Variants in OLFM3 observed in about 807,000 individuals in gnomAD.
The protein encoded by OLFM3 is noelin-3.
A neutral mutation model predicts 48.6 loss-of-function variants in OLFM3; 20 were observed. The observed-to-expected ratio is 0.41, with a 90% confidence interval of 0.29 to 0.60. The LOEUF (loss-of-function observed/expected upper bound fraction) is 0.60. Ranked by LOEUF, OLFM3 falls within the 20% of genes least tolerant of loss-of-function variation. The pLI is 0.28. For missense variants in OLFM3, 437 were observed against 544.3 expected, an observed-to-expected ratio of 0.80 and a Z score of 1.96; for synonymous variants, 222 against 198.1, an observed-to-expected ratio of 1.12 and a Z score of -1.01.
At chr1:101,905,277 A>G (rs186885917) in intron 1 of OLFM3, among the ~76,000 whole-genome samples, 5 of 152,306 alleles carry the variant, frequency 3.3e-5, no homozygotes, top group Admixed American at 6.5e-5. Context: ...AGTAATGTGA[A>G]GACACGGAAA....
chr1:101,819,276 T>A (rs1047678676), intron 4 of OLFM3, among the ~76,000 whole-genome samples: 1 of 152,102 alleles, frequency 6.6e-6, no homozygotes, highest in Non-Finnish European at 1.5e-5. Context: ...AAGTGCATGA[T>A]GAGAACCTGA....
chr1:101,961,663 G>A (rs1045933305), intron 1 of OLFM3, among the ~76,000 whole-genome samples: 3 of 152,082 alleles, frequency 2.0e-5, no homozygotes, highest in African/African-American at 7.2e-5. Flanking sequence ...GCGATTTACT[G>A]CAGACAGCGA....
At chr1:101,951,884 A>G (rs1023849432) in intron 1 of OLFM3, among the ~76,000 whole-genome samples, 1 of 152,158 alleles carries the variant, frequency 6.6e-6, no homozygotes, top group Non-Finnish European at 1.5e-5. Flanking sequence ...GAATTTTTTC[A>G]ATTTTTCTAT....
chr1:101,887,833 A>G (rs769890745), intron 1 of OLFM3, among the ~76,000 whole-genome samples: 10 of 152,096 alleles, frequency 6.6e-5, no homozygotes, highest in Admixed American at 1.3e-4. Flanking sequence ...ACAGAAAAAA[A>G]AAAGCATCAG....
intron 1 of OLFM3, among the ~76,000 whole-genome samples, chr1:101,887,695 T>C (rs1055588412): frequency 2.6e-5 from 4 of 152,028 alleles, no homozygotes; most frequent in African/African-American, 9.7e-5. Context: ...TCTTGGTAAA[T>C]ACTTATTTTC....
At chr1:101,807,514 C>A (rs112822172) in intron 4 of OLFM3, among the ~76,000 whole-genome samples, 5 of 151,676 alleles carry the variant, frequency 3.3e-5, no homozygotes, top group African/African-American at 1.2e-4. Flanking sequence ...CAAAGACAAA[C>A]TAACTATAAC....
At chr1:101,813,375 T>A (rs1292468844) in intron 4 of OLFM3, among the ~76,000 whole-genome samples, 3 of 152,194 alleles carry the variant, frequency 2.0e-5, no homozygotes, top group Non-Finnish European at 2.9e-5. Flanking sequence ...CCACAAAACA[T>A]ACTCATAAGC....
At chr1:101,922,295 G>T (rs1456208189) in intron 1 of OLFM3, among the ~76,000 whole-genome samples, 1 of 152,150 alleles carries the variant, frequency 6.6e-6, no homozygotes, top group Non-Finnish European at 1.5e-5. Context: ...CTTTAGTTTA[G>T]TAAGTGCTTA....
chr1:101,839,204 G>A (rs997812264), intron 1 of OLFM3, among the ~76,000 whole-genome samples: 2 of 152,046 alleles, frequency 1.3e-5, no homozygotes, highest in African/African-American at 4.8e-5. Flanking sequence ...ATTTTTGGGG[G>A]TCAGACTCGT....
At chr1:101,947,699 T>C (rs116703138) in intron 1 of OLFM3, among the ~76,000 whole-genome samples, 4 of 152,330 alleles carry the variant, frequency 2.6e-5, no homozygotes, top group African/African-American at 9.6e-5. Context: ...CATAAACTTT[T>C]AGTCATTGAT....
intron 1 of OLFM3, chr1:101,837,534 C>T (rs1004585567): frequency 4.6e-5 from 7 of 152,150 alleles, no homozygotes; most frequent in Admixed American, 4.6e-4. Flanking sequence ...TCATTGACGA[C>T]ATAGGTTAAA....
At chr1:101,969,359 G>A (rs1261696704) in intron 1 of OLFM3, among the ~76,000 whole-genome samples, 2 of 150,986 alleles carry the variant, frequency 1.3e-5, no homozygotes, top group African/African-American at 4.9e-5. Flanking sequence ...TAGAGGCAAG[G>A]TTTTGCCATG....
At chr1:101,824,358 A>G (rs1164025352) in intron 4 of OLFM3, among the ~76,000 whole-genome samples, 1 of 152,130 alleles carries the variant, frequency 6.6e-6, no homozygotes, top group African/African-American at 2.4e-5. Flanking sequence ...TAATTAGCTC[A>G]TGGATATCAC....
chr1:101,844,041 C>G (rs911485821), intron 1 of OLFM3, among the ~76,000 whole-genome samples: 1 of 152,112 alleles, frequency 6.6e-6, no homozygotes, highest in Admixed American at 6.5e-5. Context: ...ACCTAGTGAG[C>G]CAGGGAGCTG....
intron 1 of OLFM3, among the ~76,000 whole-genome samples, chr1:101,920,564 C>A (rs1222510013): frequency 6.6e-6 from 1 of 152,150 alleles, no homozygotes; most frequent in African/African-American, 2.4e-5. Flanking sequence ...AGCAAAAATG[C>A]AGAGGGTTTA....
intron 1 of OLFM3, chr1:101,894,067 T>C (rs1216362760): frequency 3.9e-5 from 6 of 154,094 alleles, no homozygotes; most frequent in Non-Finnish European, 7.3e-5. Flanking sequence ...GTGATAATAC[T>C]CGCTGCTGGC....
intron 4 of OLFM3, among the ~76,000 whole-genome samples, 158 bp downstream of exon 4, chr1:101,824,868 G>A (rs1415249949): frequency 2.6e-5 from 4 of 152,166 alleles, no homozygotes; most frequent in Non-Finnish European, 5.9e-5. Flanking sequence ...AGAGTACCCA[G>A]ACATGCTTAA....
intron 2 of OLFM3, among the ~76,000 whole-genome samples, chr1:101,831,939 G>T (rs1281064494): frequency 6.6e-6 from 1 of 152,196 alleles, no homozygotes; most frequent in Non-Finnish European, 1.5e-5. Context: ...GTCTCGCTCT[G>T]TCACCCAGGC....
chr1:101,928,943 C>T (rs1329895770), intron 1 of OLFM3, among the ~76,000 whole-genome samples: 2 of 152,022 alleles, frequency 1.3e-5, no homozygotes, highest in Non-Finnish European at 2.9e-5. Flanking sequence ...TGCAACTTTC[C>T]TATAATCCAT....
Sources: allele counts gnomAD v4.1 joint callset (sites outside exome capture counted in the v4.1 genomes callset), GRCh38; gene constraint gnomAD v4.1.1; transcripts MANE v1.5; gene names NCBI Gene and HGNC (gene_info 2026-07-23, HGNC 2026-07-21).